Variants in PPT1 observed in about 807,000 individuals in gnomAD.
PPT1 encodes ceroid-palmitoyl-palmitoyl-protein thioesterase 1.
PPT1 carries 24 observed loss-of-function variants against 44.0 expected under a neutral mutation model. The observed-to-expected ratio is 0.54, with a 90% confidence interval of 0.39 to 0.77. The LOEUF is 0.77. Ranked by LOEUF, PPT1 falls within the 30% of genes least tolerant of loss-of-function variation. The pLI, the probability that PPT1 is intolerant of heterozygous loss-of-function variation, is 0.00. For synonymous variants in PPT1, 148 were observed against 140.2 expected, an observed-to-expected ratio of 1.06 and a Z score of -0.39; for missense variants, 341 against 378.8, an observed-to-expected ratio of 0.90 and a Z score of 0.83.
At chr1:40,091,066 G>A (rs958044861) in intron 4 of PPT1, among the ~76,000 whole-genome samples, 1 of 152,168 alleles carries the variant, frequency 6.6e-6, no homozygotes, top group Non-Finnish European at 1.5e-5. Context: ...CACCTGCCAC[G>A]TGGCTATAAC....
In PPT1 at chr1:40,088,707, C is replaced by T. The variant is rs542822434; in HGVS notation, c.536+703G>A. On this transcript the variant is annotated intron_variant, in intron 5 of 8. Transcript: ENST00000642050. ...TACAAGTGTGAGCCATTATGCCAGG[C>T]TGGCCATGCTAAATACCCAAATACA... Among the ~76,000 whole-genome samples, 7 of 152,268 alleles carry T rather than the reference C, an allele frequency of 4.6e-5. 1 individual carries two copies. The South Asian group carries it at 1.4e-3, about 32-fold the overall frequency.
At chr1:40,074,769 A>G (rs1648525649) in intron 8 of PPT1, among the ~76,000 whole-genome samples, 2 of 151,600 alleles carry the variant, frequency 1.3e-5, no homozygotes, top group African/African-American at 4.8e-5. Context: ...ACACCCGGCC[A>G]GTTTTTTCTA....
intron 5 of PPT1, among the ~76,000 whole-genome samples, chr1:40,081,099 C>G (rs980221448): frequency 1.3e-5 from 2 of 152,190 alleles, no homozygotes. Context: ...TATGGTTTGG[C>G]TGTGTCCTCA....
At chr1:40,087,943 G>A (rs1233357967) in intron 5 of PPT1, among the ~76,000 whole-genome samples, 1 of 150,974 alleles carries the variant, frequency 6.6e-6, no homozygotes, top group Non-Finnish European at 1.5e-5. Flanking sequence ...CAACGAGTGG[G>A]AAAAGAAAAG....
intron 7 of PPT1, 98 bp from the exon 8 acceptor site, chr1:40,077,011 T>C: frequency 7.1e-7 from 1 of 1,400,034 alleles, no homozygotes; most frequent in Non-Finnish European, 1.0e-6. Context: ...GCCAACAAAG[T>C]GAACATCATA....
rs369382199 is a variant in PPT1 at position 40,074,043 on chromosome 1, T to A, written c.*18A>T. 1 of 1,614,044 alleles carries A rather than the reference T, an allele frequency of 6.2e-7. No homozygotes were observed. The highest frequency in any genetic ancestry group is 8.5e-7 in the Non-Finnish European group (1 of 1,179,974). On this transcript the variant is annotated 3_prime_UTR_variant, in exon 9 of 9. Transcript: ENST00000642050. The stretch of plus-strand genomic sequence containing the variant: ...AGAGTTAGGGGCTCCCTGAGCTCTA[T>A]TGTGAACTATACGGGTTTCATCCAA...
At position 40,089,392 on chromosome 1, in the gene PPT1, T is replaced by G. The variant is rs1209207433; in HGVS notation, c.536+18A>C. 1.9e-6 allele frequency: 3 copies of G among 1,599,590 alleles called. No individual in the cohort carries two copies. The highest frequency in any genetic ancestry group is 8.6e-7 in the Non-Finnish European group (1 of 1,166,910). On this transcript the variant is annotated intron_variant, in intron 5 of 8. Transcript: ENST00000642050. ...ACACGGTGACAGGTCTGTAATCTTT[T>G]CAGCTAACCATACATACCGTTCCTG...
chr1:40,078,260 C>G (rs1346594064), intron 7 of PPT1, among the ~76,000 whole-genome samples: 1 of 152,200 alleles, frequency 6.6e-6, no homozygotes, highest in African/African-American at 2.4e-5. Context: ...TGCAGTGGCA[C>G]GATCTTGGCT....
At chr1:40,084,429 C>T (rs1401907881) in intron 5 of PPT1, among the ~76,000 whole-genome samples, 1 of 152,162 alleles carries the variant, frequency 6.6e-6, no homozygotes, top group East Asian at 1.9e-4. Flanking sequence ...AGGATTGACT[C>T]CAGTTCTGAA....
intron 1 of PPT1, chr1:40,093,883 CAAA>C (rs11345893): frequency 0.052 from 22,799 of 438,018 alleles, no homozygotes; most frequent in Middle Eastern, 0.077. Context: ...GGCTCCATCT[CAAA>C]AAAAAAAAAA....
intron 3 of PPT1, 31 bp from the exon 4 acceptor site, chr1:40,091,430 C>T: frequency 6.4e-7 from 1 of 1,562,522 alleles, no homozygotes; most frequent in Non-Finnish European, 8.8e-7. Context: ...TTAGCTCCGA[C>T]TGTCAGATGG....
At chr1:40,090,958 A>G (rs1649532448) in intron 4 of PPT1, among the ~76,000 whole-genome samples, 1 of 152,260 alleles carries the variant, frequency 6.6e-6, no homozygotes, top group South Asian at 2.1e-4. Context: ...TAGACACAAG[A>G]GCTTACACAC....
Position 40,091,314 on chromosome 1 carries a change from A to T in PPT1, c.433+15T>A. 6.2e-7 allele frequency: 1 copy of T among 1,611,382 alleles called. No homozygotes were observed. The highest frequency in any genetic ancestry group is 8.5e-7 in the Non-Finnish European group (1 of 1,177,532). On this transcript the variant is annotated intron_variant, in intron 4 of 8. Coordinates refer to ENST00000642050, the MANE Select transcript of PPT1 (RefSeq NM_000310.4). ...GTTAGAATACAGAAAAAAGAAAGCAAAGAGGCAAAGTTACCTTGATGTTGT... is the reference window on the plus strand; with the variant it reads ...GTTAGAATACAGAAAAAAGAAAGCATAGAGGCAAAGTTACCTTGATGTTGT...
chr1:40,073,785 G>A lies in PPT1; in HGVS notation c.*276C>T. The A allele has an allele frequency of 2.2e-6, 1 of 451,770 alleles. No individual in the cohort carries two copies. Among genetic ancestry groups the A allele is most frequent in the Non-Finnish European group, 4.1e-6 (1 of 244,254 alleles). The allele number at this position is 451,770 out of a possible 1,614,324, so 28.0% of individuals were successfully genotyped here. A position where few individuals can be genotyped will look rare whatever the true frequency, so the allele number is the denominator to read the frequency against. On this transcript the variant is annotated 3_prime_UTR_variant, in exon 9 of 9. Transcript: ENST00000642050. The stretch of plus-strand genomic sequence containing the variant: ...TGGGCACAGTTCTGGCACTGATCTG[G>A]AACAGACTCCCTTTTCTAAAACTGA...
intron 1 of PPT1, 192 bp downstream of exon 1, chr1:40,096,923 C>G (rs1649887039): frequency 2.0e-6 from 2 of 993,340 alleles, no homozygotes; most frequent in Non-Finnish European, 3.0e-6. Flanking sequence ...TTCCCCTTCT[C>G]TCTTTCCAGT....
intron 5 of PPT1, 127 bp from the exon 6 acceptor site, chr1:40,080,614 A>C: frequency 1.3e-5 from 11 of 831,168 alleles, no homozygotes; most frequent in Non-Finnish European, 2.0e-5. Context: ...AGTGGCTCAC[A>C]CCTGTAATCC....
intron 8 of PPT1, chr1:40,076,487 C>T (rs1288771806): frequency 3.6e-6 from 2 of 562,842 alleles, no homozygotes; most frequent in East Asian, 2.9e-4. Flanking sequence ...AGGAATGCCC[C>T]TCATCATGCA....
Position 40,076,924 on chromosome 1 carries a change from A to G in PPT1, c.727-11T>C. The G allele has an allele frequency of 6.2e-7, 1 of 1,614,132 alleles. No individual in the cohort carries two copies. The highest frequency in any genetic ancestry group is 1.1e-5 in the South Asian group (1 of 91,088). On this transcript the variant is annotated splice_polypyrimidine_tract_variant and intron_variant, in intron 7 of 8. Coordinates refer to ENST00000642050, the MANE Select transcript of PPT1 (RefSeq NM_000310.4). Reference sequence around the variant, plus strand: ...GTAAAATCCAAACCACTGCAGAAGAAGCAAAGGAAAGAAGCTCAGATATGA... The same window carrying G: ...GTAAAATCCAAACCACTGCAGAAGAGGCAAAGGAAAGAAGCTCAGATATGA...
In PPT1 at chr1:40,091,408, T is replaced by C; in HGVS notation, c.363-9A>G. ...TCTGAGCCACTGCCCTCCTACGGAATAAAAGGGAGTTTTAGCTCCGACTGT... is the reference window on the plus strand; with the variant it reads ...TCTGAGCCACTGCCCTCCTACGGAACAAAAGGGAGTTTTAGCTCCGACTGT... On this transcript the variant is annotated splice_polypyrimidine_tract_variant and intron_variant, in intron 3 of 8. Transcript: ENST00000642050. 1 of 1,610,174 alleles carries C rather than the reference T, an allele frequency of 6.2e-7. No homozygotes were observed. Among genetic ancestry groups the C allele is most frequent in the South Asian group, 1.1e-5 (1 of 90,804 alleles).
Sources: gnomAD v4.1 joint callset for allele counts (sites outside exome capture counted in the v4.1 genomes callset) on GRCh38, gnomAD v4.1.1 for gene constraint, MANE v1.5 for transcripts, NCBI Gene and HGNC (gene_info 2026-07-23, HGNC 2026-07-21) for gene names.